The following MAN2A1 variants were observed in gnomAD, a reference collection of about 807,000 sequenced individuals.
MAN2A1 encodes the protein mannosidase alpha class 2A member 1.
A neutral mutation model predicts 142.6 loss-of-function variants in MAN2A1; 76 were observed. The ratio of observed to expected loss-of-function variants is 0.53; its 90% CI spans 0.44 to 0.65. The LOEUF is 0.65. Ranked by LOEUF, MAN2A1 falls within the 30% of genes least tolerant of loss-of-function variation. The probability of loss-of-function intolerance (pLI) is 0.00; values close to 1 mark genes in which losing one functional copy is unlikely to be tolerated. For missense variants in MAN2A1, 1,311 were observed against 1,365.1 expected, an observed-to-expected ratio of 0.96 and a Z score of 0.62; for synonymous variants, 559 against 473.2, an observed-to-expected ratio of 1.18 and a Z score of -2.35.
At chr5:109,802,921 G>A (rs765703127) in intron 12 of MAN2A1, among the ~76,000 whole-genome samples, 1 of 151,906 alleles carries the variant, frequency 6.6e-6, no homozygotes, top group Non-Finnish European at 1.5e-5. Context: ...GCAGTTTAAA[G>A]TTTATGATAG....
intron 5 of MAN2A1, among the ~76,000 whole-genome samples, chr5:109,761,100 T>C (rs1752832374): frequency 1.3e-5 from 2 of 151,036 alleles, no homozygotes; most frequent in Admixed American, 1.3e-4. Flanking sequence ...ATATGTGTGG[T>C]CTAAAGTTGT....
At chr5:109,794,817 A>G (rs1210433258) in intron 12 of MAN2A1, among the ~76,000 whole-genome samples, 2 of 152,050 alleles carry the variant, frequency 1.3e-5, no homozygotes, top group Non-Finnish European at 2.9e-5. Context: ...GTTTAAATAT[A>G]TATTGCTTGT....
chr5:109,773,541 T>A (rs1753205749), intron 7 of MAN2A1, among the ~76,000 whole-genome samples: 3 of 152,116 alleles, frequency 2.0e-5, no homozygotes, highest in African/African-American at 7.2e-5. Flanking sequence ...TAAAAGTGTT[T>A]TGGCAAATGT....
At chr5:109,864,037 A>G (rs1013061103) in intron 20 of MAN2A1, 2 of 152,218 alleles carry the variant, frequency 1.3e-5, no homozygotes, top group African/African-American at 2.4e-5. Context: ...TCTGGCAGCT[A>G]TTCAGGAAAG....
chr5:109,849,453 C>T (rs901440052), intron 19 of MAN2A1, among the ~76,000 whole-genome samples: 1 of 152,162 alleles, frequency 6.6e-6, no homozygotes, highest in East Asian at 1.9e-4. Context: ...TCAACAGCCA[C>T]CGCCATCCAT....
intron 1 of MAN2A1, among the ~76,000 whole-genome samples, chr5:109,706,967 G>T (rs534129085): frequency 6.6e-6 from 1 of 152,124 alleles, no homozygotes; most frequent in Non-Finnish European, 1.5e-5. Flanking sequence ...TTATCTTGGG[G>T]TTCTTTTTCC....
At chr5:109,775,204 T>G (rs905810648) in intron 8 of MAN2A1, among the ~76,000 whole-genome samples, 5 of 152,164 alleles carry the variant, frequency 3.3e-5, no homozygotes, top group African/African-American at 1.2e-4. Context: ...TTTATGTGAT[T>G]GAAAATATGT....
intron 16 of MAN2A1, among the ~76,000 whole-genome samples, chr5:109,827,830 G>A (rs1002687601): frequency 2.0e-5 from 3 of 152,070 alleles, no homozygotes; most frequent in East Asian, 1.9e-4. Flanking sequence ...GGCGTGGCAC[G>A]GTGGCTCACA....
chr5:109,694,685 C>T (rs1359413805), intron 1 of MAN2A1, among the ~76,000 whole-genome samples: 1 of 151,248 alleles, frequency 6.6e-6, no homozygotes, highest in Non-Finnish European at 1.5e-5. Flanking sequence ...TACTGTAATA[C>T]ACATACAGAA....
intron 1 of MAN2A1, among the ~76,000 whole-genome samples, chr5:109,710,764 CA>C (rs1751278010): frequency 6.6e-6 from 1 of 152,092 alleles, no homozygotes; most frequent in Non-Finnish European, 1.5e-5. Flanking sequence ...GATCTTGGCT[CA>C]CCACAACCTC....
chr5:109,728,078 A>G (rs905013603), intron 3 of MAN2A1, among the ~76,000 whole-genome samples: 2 of 152,224 alleles, frequency 1.3e-5, no homozygotes, highest in African/African-American at 2.4e-5. Context: ...TATTTGGCCT[A>G]TAGCTTCATA....
intron 12 of MAN2A1, among the ~76,000 whole-genome samples, chr5:109,801,700 T>C (rs1754036637): frequency 6.6e-6 from 1 of 152,166 alleles, no homozygotes; most frequent in Non-Finnish European, 1.5e-5. Flanking sequence ...AGCAGGTCTA[T>C]ACTGAATAAA....
At position 109,842,341 on chromosome 5, in the gene MAN2A1, G is replaced by A; in HGVS notation, c.2580G>A (p.Gln860=). ...TTTTAAATTTAGGAATAGAAGGACA[G>A]TCTGTGGAAGTTTCCAATATTGTGG... is the stretch of plus-strand genomic sequence containing the variant. ...RLYHIQGIEG[Q]SVEVSNIVDI... The change falls in exon 17 of 22, where the codon CAG becomes CAA. Residue 860 remains glutamine (Q), a synonymous_variant. Transcript: ENST00000261483. 8 of 1,562,212 alleles carry A rather than the reference G, an allele frequency of 5.1e-6. No homozygotes were observed. Among genetic ancestry groups the A allele is most frequent in the Non-Finnish European group, 7.0e-6 (8 of 1,147,570 alleles).
chr5:109,783,456 C>T (rs1753513933), intron 9 of MAN2A1, among the ~76,000 whole-genome samples: 1 of 152,062 alleles, frequency 6.6e-6, no homozygotes, highest in South Asian at 2.1e-4. Flanking sequence ...CATGGATATA[C>T]GTTAACATAG....
chr5:109,832,846 C>T (rs1219946311), intron 16 of MAN2A1, among the ~76,000 whole-genome samples: 36 of 144,346 alleles, frequency 2.5e-4, no homozygotes, highest in Middle Eastern at 3.5e-3. Context: ...GGGCGGCTGC[C>T]GGGCGGAGGG....
At chr5:109,705,981 T>C (rs1751119446) in intron 1 of MAN2A1, among the ~76,000 whole-genome samples, 1 of 152,222 alleles carries the variant, frequency 6.6e-6, no homozygotes, top group Non-Finnish European at 1.5e-5. Flanking sequence ...AGCCTTAAAA[T>C]TAATTACATC....
intron 7 of MAN2A1, among the ~76,000 whole-genome samples, chr5:109,772,550 C>T (rs1753177407): frequency 6.6e-6 from 1 of 152,142 alleles, no homozygotes. Flanking sequence ...CTTTCTGTCA[C>T]CCAGGCTGAA....
chr5:109,822,281 A>G (rs921994823), intron 15 of MAN2A1, among the ~76,000 whole-genome samples: 2 of 151,160 alleles, frequency 1.3e-5, no homozygotes, highest in African/African-American at 4.9e-5. Context: ...GTGTTTTCTC[A>G]TTCACCAGCT....
intron 18 of MAN2A1, among the ~76,000 whole-genome samples, chr5:109,846,223 C>T (rs574788989): frequency 6.6e-6 from 1 of 152,144 alleles, no homozygotes; most frequent in East Asian, 1.9e-4. Context: ...AACAGGAGAC[C>T]TAAAATTCCA....
Sources: allele counts gnomAD v4.1 joint callset (sites outside exome capture counted in the v4.1 genomes callset), GRCh38; gene constraint gnomAD v4.1.1; transcripts MANE v1.5; gene names NCBI Gene and HGNC (gene_info 2026-07-23, HGNC 2026-07-21).